DSTYK: variants seen among roughly 807,000 people sequenced by gnomAD.
The protein encoded by DSTYK is RIP-homologous kinase.
In DSTYK, 34 loss-of-function variants were observed where a neutral mutation model predicts 98.7. That is an observed-to-expected ratio of 0.34 (90% CI 0.26 to 0.46). The LOEUF is 0.46. Ranked by LOEUF, DSTYK falls within the 20% of genes least tolerant of loss-of-function variation. The pLI is 1.00. For missense variants in DSTYK, 962 were observed against 1,181.7 expected, an observed-to-expected ratio of 0.81 and a Z score of 2.73; for synonymous variants, 462 against 457.3, an observed-to-expected ratio of 1.01 and a Z score of -0.13.
chr1:205,179,967 C>T (rs1040779960), intron 2 of DSTYK, among the ~76,000 whole-genome samples: 3 of 152,058 alleles, frequency 2.0e-5, no homozygotes, highest in Non-Finnish European at 4.4e-5. Context: ...GAGGTAGAAT[C>T]CTAGCAAAGG....
chr1:205,179,283 T>C (rs1658323341), intron 2 of DSTYK, among the ~76,000 whole-genome samples: 1 of 152,120 alleles, frequency 6.6e-6, no homozygotes, highest in African/African-American at 2.4e-5. Context: ...TGTCAAGCAC[T>C]GTCTGATTTG....
At chr1:205,179,647 G>C (rs1341484961) in intron 2 of DSTYK, among the ~76,000 whole-genome samples, 8 of 150,898 alleles carry the variant, frequency 5.3e-5, no homozygotes, top group Non-Finnish European at 1.2e-4. Flanking sequence ...AGATAGACTA[G>C]ATGCTTTCAG....
chr1:205,166,922 G>C (rs1252143248), intron 3 of DSTYK, among the ~76,000 whole-genome samples: 1 of 152,176 alleles, frequency 6.6e-6, no homozygotes, highest in African/African-American at 2.4e-5. Context: ...GTTATTTGCT[G>C]CAAGGAATAT....
chr1:205,159,403 G>A, intron 9 of DSTYK, 144 bp downstream of exon 9: 8 of 1,124,480 alleles, frequency 7.1e-6, no homozygotes, highest in Non-Finnish European at 9.8e-6. Context: ...AATCTTTAAG[G>A]GTTTTTGGAA....
intron 10 of DSTYK, among the ~76,000 whole-genome samples, chr1:205,154,210 G>T (rs1293902217): frequency 6.6e-6 from 1 of 151,760 alleles, no homozygotes; most frequent in Non-Finnish European, 1.5e-5. Flanking sequence ...CAGTGTAGGG[G>T]GAAAAAACCT....
chr1:205,169,830 T>A lies in DSTYK; in HGVS notation c.657A>T (p.Glu219Asp). 6.2e-7 allele frequency: 1 copy of A among 1,608,434 alleles called. No homozygotes were observed. Among genetic ancestry groups the A allele is most frequent in the Non-Finnish European group, 8.5e-7 (1 of 1,177,014 alleles). The part of the protein sequence containing the change: ...EVTMHHALLQ[E>D]VDVVVAPCQG... ...GGCATGGTGCTACCACAACGTCCAC[T>A]TCCTGGAAGGGGAAGGGGGTCATAT... The change falls in exon 3 of 13, where the codon GAA becomes GAT. Residue 219 changes from glutamate to aspartate, a missense_variant and splice_region_variant. Around this residue, in one of 4 missense-constraint regions of DSTYK, gnomAD observed 660 missense variants for 855.0 expected, o/e 0.77. Transcript: ENST00000367162. This position sits in a 1 kb window ranked among gnomAD's most constrained non-coding sequence, Gnocchi z 4.0.
At chr1:205,165,979 G>A (rs1657876509) in intron 3 of DSTYK, among the ~76,000 whole-genome samples, 1 of 151,540 alleles carries the variant, frequency 6.6e-6, no homozygotes, top group Admixed American at 6.6e-5. Flanking sequence ...ACTAGACCAG[G>A]CCTCTGCACT....
chr1:205,182,842 A>G (rs1005934846), intron 2 of DSTYK, among the ~76,000 whole-genome samples: 1 of 151,966 alleles, frequency 6.6e-6, no homozygotes, highest in Middle Eastern at 3.2e-3. Flanking sequence ...GTAAACCCCA[A>G]CAGATAACAC....
chr1:205,189,503 G>C (rs926151834), intron 1 of DSTYK, among the ~76,000 whole-genome samples: 2 of 152,164 alleles, frequency 1.3e-5, no homozygotes, highest in African/African-American at 4.8e-5. Context: ...AACAGTATTT[G>C]CTTTAGTCAC....
In DSTYK at chr1:205,146,046, G is replaced by A. The variant is rs1657222414; in HGVS notation, c.*1512C>T. 6.6e-6 allele frequency: 1 copy of A among 152,160 alleles called. No individual in the cohort carries two copies. The highest frequency in any genetic ancestry group is 6.5e-5 in the Admixed American group (1 of 15,278). The allele number at this position is 152,160 out of a possible 1,614,324, so 9.4% of individuals were successfully genotyped here. A position where few individuals can be genotyped will look rare whatever the true frequency, so the allele number is the denominator to read the frequency against. On this transcript the variant is annotated 3_prime_UTR_variant, in exon 13 of 13. Coordinates refer to ENST00000367162, the MANE Select transcript of DSTYK (RefSeq NM_015375.3). Reference sequence around the variant, plus strand: ...CCCAGACACTAGCACACAGGGGTGAGGGGCACACACAGAACTACCAGAGGA... The same window carrying A: ...CCCAGACACTAGCACACAGGGGTGAAGGGCACACACAGAACTACCAGAGGA...
At chr1:205,202,268 T>TAAGAATACTCATGACACTTC in intron 1 of DSTYK, 3 of 626,478 alleles carry the variant, frequency 4.8e-6, no homozygotes. Context: ...GTGTTCACTT[T>TAAGAATACTCATGACACTTC]AAGAATACTC....
chr1:205,171,528 G>A (rs1307498029), intron 2 of DSTYK, among the ~76,000 whole-genome samples: 1 of 148,692 alleles, frequency 6.7e-6, no homozygotes, highest in African/African-American at 2.5e-5. Context: ...CCTTTGCCTC[G>A]TCTGCACTTT....
chr1:205,183,838 C>G (rs1427763691), intron 2 of DSTYK, among the ~76,000 whole-genome samples: 1 of 152,056 alleles, frequency 6.6e-6, no homozygotes, highest in Admixed American at 6.6e-5. Flanking sequence ...TTGGATTCCA[C>G]GAAGGTTGCA....
intron 10 of DSTYK, among the ~76,000 whole-genome samples, chr1:205,156,326 C>T (rs1470969741): frequency 1.3e-5 from 2 of 152,218 alleles, no homozygotes; most frequent in Non-Finnish European, 2.9e-5. Flanking sequence ...AAGCCACAGA[C>T]ACTCAACACC....
chr1:205,177,069 T>G (rs1473706720), intron 2 of DSTYK, among the ~76,000 whole-genome samples: 4 of 151,632 alleles, frequency 2.6e-5, no homozygotes, highest in Admixed American at 2.0e-4. Context: ...TAGCCGGGTA[T>G]GGTGACACCC....
chr1:205,177,387 T>A (rs1658263287), intron 2 of DSTYK, among the ~76,000 whole-genome samples: 1 of 152,190 alleles, frequency 6.6e-6, no homozygotes, highest in East Asian at 1.9e-4. Flanking sequence ...TGTCCCCATA[T>A]TCTAGCTACT....
chr1:205,179,468 A>G (rs1159864567), intron 2 of DSTYK, among the ~76,000 whole-genome samples: 2 of 152,004 alleles, frequency 1.3e-5, no homozygotes, highest in Non-Finnish European at 2.9e-5. Context: ...AAAATATAAA[A>G]AAATTAGCCG....
At chr1:205,196,706 GA>G (rs1471453948) in intron 1 of DSTYK, among the ~76,000 whole-genome samples, 1 of 148,050 alleles carries the variant, frequency 6.8e-6, no homozygotes, top group Non-Finnish European at 1.5e-5. Context: ...AATTGCAAAG[GA>G]AAAAAATGGT....
At chr1:205,209,478 C>T (rs1204683026) in intron 1 of DSTYK, among the ~76,000 whole-genome samples, 2 of 108,530 alleles carry the variant, frequency 1.8e-5, no homozygotes, top group Admixed American at 1.1e-4. Context: ...ATGTCAAAGA[C>T]TAGTTTCAGA....
Sources: allele counts gnomAD v4.1 joint callset (sites outside exome capture counted in the v4.1 genomes callset), GRCh38; gene constraint gnomAD v4.1.1; regional missense constraint gnomAD v4.1.1; non-coding constraint Gnocchi (gnomAD v3.1); transcripts MANE v1.5; gene names NCBI Gene and HGNC (gene_info 2026-07-23, HGNC 2026-07-21).